The following CA5A variants were observed in gnomAD, a reference collection of about 807,000 sequenced individuals.
CA5A encodes carbonic anhydrase 5A, also known as carbonic anhydrase 5A, mitochondrial.
CA5A carries 28 observed loss-of-function variants against 37.1 expected under a neutral mutation model. That is an observed-to-expected ratio of 0.75 (90% CI 0.56 to 1.03). CA5A has a LOEUF of 1.03. Among genes scored for constraint, CA5A ranks in the 50% least tolerant of loss-of-function variants. The pLI is 0.00. For missense variants in CA5A, 444 were observed against 399.9 expected, an observed-to-expected ratio of 1.11 and a Z score of -0.94; for synonymous variants, 171 against 158.4, an observed-to-expected ratio of 1.08 and a Z score of -0.60.
chr16:87,901,939 C>G lies in CA5A; in HGVS notation c.591G>C (p.Val197=), dbSNP rs1444128177. Residue 197 remains valine, a synonymous_variant, in exon 5 of 7, where the codon GTG becomes GTC. Coordinates refer to ENST00000649794, the MANE Select transcript of CA5A (RefSeq NM_001739.2). The stretch of plus-strand genomic sequence containing the variant: ...TATGTTTTATTTCCGGCAAGATGTC[C>G]ACCAGCCTCTGCAGCGTCTGATGAT... ...GAHHQTLQRL[V]DILPEIKHKD... 3.7e-6 allele frequency: 6 copies of G among 1,613,680 alleles called. No homozygotes were observed. The highest frequency in any genetic ancestry group is 5.1e-6 in the Non-Finnish European group (6 of 1,179,760).
At chr16:87,927,268 C>A (rs886627464) in intron 1 of CA5A, among the ~76,000 whole-genome samples, 3 of 152,174 alleles carry the variant, frequency 2.0e-5, no homozygotes, top group Non-Finnish European at 2.9e-5. Context: ...TCTGGATAGA[C>A]CTTGGGGAGG....
chr16:87,915,018 G>A (rs887139006), intron 2 of CA5A, among the ~76,000 whole-genome samples: 6 of 152,222 alleles, frequency 3.9e-5, no homozygotes, highest in African/African-American at 7.2e-5. Flanking sequence ...CAGCATGGCC[G>A]CCGCACCACC....
intron 5 of CA5A, among the ~76,000 whole-genome samples, chr16:87,898,646 G>A (rs542099395): frequency 1.6e-3 from 236 of 152,170 alleles, no homozygotes; most frequent in Non-Finnish European, 2.6e-3. Context: ...CCACAGCTGG[G>A]CCTTAAACTC....
At chr16:87,901,787 A>T (rs1370820527) in intron 5 of CA5A, 125 bp downstream of exon 5, 3 of 651,280 alleles carry the variant, frequency 4.6e-6, no homozygotes, top group South Asian at 1.5e-5. Context: ...GGGTTTCTCC[A>T]TGTTGGTCAG....
chr16:87,920,499 G>C (rs567307415), intron 2 of CA5A, among the ~76,000 whole-genome samples: 1 of 151,656 alleles, frequency 6.6e-6, no homozygotes, highest in East Asian at 2.0e-4. Context: ...TAGTAGAGAC[G>C]GGGTTTCACC....
At chr16:87,915,432 G>T (rs1190119669) in intron 2 of CA5A, among the ~76,000 whole-genome samples, 1 of 152,052 alleles carries the variant, frequency 6.6e-6, no homozygotes, top group Non-Finnish European at 1.5e-5. Flanking sequence ...CTACTTGGGA[G>T]GCTAAGGTGA....
Position 87,926,897 on chromosome 16 carries a change from T to C in CA5A, c.191A>G (p.Gln64Arg). 6.2e-7 allele frequency: 1 copy of C among 1,607,986 alleles called. No homozygotes were observed. Among genetic ancestry groups the C allele is most frequent in the African/African-American group, 1.3e-5 (1 of 74,972 alleles). ...VPVSVPGGTR[Q>R]SPINIQWRDS... ...CCTCCACTGGATGTTAATAGGAGACTGCCGGGTGCCCCCTGGCACGGAGAC... is the reference window on the plus strand; with the variant it reads ...CCTCCACTGGATGTTAATAGGAGACCGCCGGGTGCCCCCTGGCACGGAGAC... The change falls in exon 2 of 7, where the codon CAG becomes CGG. Residue 64 changes from glutamine (Q) to arginine (R), a missense_variant. By Grantham distance (43) the Gln-to-Arg change is conservative. Transcript: ENST00000649794.
intron 2 of CA5A, among the ~76,000 whole-genome samples, chr16:87,921,100 G>T (rs1034724644): frequency 3.3e-5 from 5 of 151,630 alleles, no homozygotes; most frequent in African/African-American, 1.2e-4. Context: ...GCCAATTTTT[G>T]TATTTTTTAG....
chr16:87,893,395 G>C (rs2055753385), intron 5 of CA5A: 1 of 460,526 alleles, frequency 2.2e-6, no homozygotes, highest in Non-Finnish European at 4.3e-6. Flanking sequence ...CCAAAGTGTT[G>C]GGATTACAGG....
chr16:87,899,647 C>T (rs1460855188), intron 5 of CA5A, among the ~76,000 whole-genome samples: 4 of 148,896 alleles, frequency 2.7e-5, no homozygotes, highest in African/African-American at 4.9e-5. Context: ...CGGCCAGGTG[C>T]GGTGGTTCAC....
chr16:87,927,771 G>C (rs1353600725), intron 1 of CA5A, among the ~76,000 whole-genome samples: 1 of 150,762 alleles, frequency 6.6e-6, no homozygotes, highest in Non-Finnish European at 1.5e-5. Flanking sequence ...TGAGGCAGGA[G>C]AATGGCGTGA....
intron 1 of CA5A, among the ~76,000 whole-genome samples, chr16:87,932,959 G>A (rs936067455): frequency 9.9e-5 from 15 of 152,170 alleles, no homozygotes; most frequent in African/African-American, 2.9e-4. Context: ...CATGGGCACC[G>A]CTGGCCTCGC....
intron 6 of CA5A, among the ~76,000 whole-genome samples, chr16:87,891,085 C>A (rs1172022726): frequency 6.6e-6 from 1 of 151,488 alleles, no homozygotes; most frequent in Non-Finnish European, 1.5e-5. Context: ...TGAGCCATGA[C>A]GCCCAGCCCA....
chr16:87,902,858 G>C (rs2055900232), intron 3 of CA5A, among the ~76,000 whole-genome samples: 1 of 151,568 alleles, frequency 6.6e-6, no homozygotes. Context: ...CTTGCAGTGA[G>C]CTGAGATTGT....
At chr16:87,882,365 A>G (rs2055615011) in intron 4 of CA5A, 1 of 152,220 alleles carries the variant, frequency 6.6e-6, no homozygotes, top group Admixed American at 6.5e-5. Flanking sequence ...GATTGCACAA[A>G]TCAGAGAAGG....
chr16:87,924,403 T>C, intron 2 of CA5A: 1 of 784,686 alleles, frequency 1.3e-6, no homozygotes, highest in Admixed American at 6.2e-5. Flanking sequence ...GTGTAGGGCC[T>C]GGCACAGAGA....
Position 87,921,854 on chromosome 16 carries a change from GTTA to G in CA5A, c.340+4891_340+4893del, listed in dbSNP as rs541120319. ...AAGCACAGGTTGTGTTCCTTTGTGT[GTTA>G]TTGTTATTATTATTATTATTATTTT... On this transcript the variant is annotated intron_variant, in intron 2 of 6. Transcript: ENST00000649794. Among the ~76,000 whole-genome samples, 25 of 133,228 alleles carry G rather than the reference GTTA, an allele frequency of 1.9e-4. No individual in the cohort carries two copies. The East Asian group carries it at 4.9e-3, about 26-fold the overall frequency. 87.4% of individuals were successfully genotyped at this position (133,228 alleles called of 152,430 possible).
In CA5A at chr16:87,911,287, C is replaced by T. The variant is rs11865590; in HGVS notation, c.341-6383G>A. Among the ~76,000 whole-genome samples, 597 of 152,204 alleles carry T rather than the reference C, an allele frequency of 3.9e-3. 3 individuals are homozygous for T. The highest frequency in any genetic ancestry group is 0.014 in the African/African-American group (561 of 41,550). On this transcript the variant is annotated intron_variant, in intron 2 of 6. Transcript: ENST00000649794. The surrounding 1 kb of genome is among the most constrained non-coding windows in gnomAD (Gnocchi z 4.6). The stretch of plus-strand genomic sequence containing the variant: ...TCATGGAGATATAATTGAACGATTG[C>T]CTCAGCGCGTGCCAGACTCTCCAAA...
intron 5 of CA5A, 150 bp from the exon 6 acceptor site, chr16:87,892,104 C>A: frequency 1.6e-6 from 1 of 625,400 alleles, no homozygotes; most frequent in East Asian, 3.4e-5. Context: ...CACTTGCAAG[C>A]AGTGATGAGA....
Sources: allele counts gnomAD v4.1 joint callset (sites outside exome capture counted in the v4.1 genomes callset), GRCh38; gene constraint gnomAD v4.1.1; non-coding constraint Gnocchi (gnomAD v3.1); transcripts MANE v1.5; gene names NCBI Gene and HGNC (gene_info 2026-07-23, HGNC 2026-07-21).